The following NRXN3 variants were observed in gnomAD, a reference collection of about 807,000 sequenced individuals.
NRXN3 encodes neurexin III.
A neutral mutation model predicts 137.6 loss-of-function variants in NRXN3; 32 were observed. That is an observed-to-expected ratio of 0.23 (90% CI 0.18 to 0.31). The LOEUF is 0.31. Among genes scored for constraint, NRXN3 ranks in the 10% least tolerant of loss-of-function variants. The pLI is 1.00. For synonymous variants in NRXN3, 798 were observed against 784.5 expected (o/e 1.02, Z -0.29); for missense variants, 1,574 against 2,062.5 (o/e 0.76, Z 4.59).
At chr14:79,790,615 CTT>C (rs34493154) in intron 19 of NRXN3, among the ~76,000 whole-genome samples, 378 of 73,108 alleles carry the variant, frequency 5.2e-3, no homozygotes, top group African/African-American at 0.019. Context: ...GGCCCAGGCT[CTT>C]TTTTTTTTTT....
At chr14:79,778,163 T>C (rs2099103165) in intron 19 of NRXN3, among the ~76,000 whole-genome samples, 1 of 152,190 alleles carries the variant, frequency 6.6e-6, no homozygotes, top group Admixed American at 6.5e-5. Flanking sequence ...ACGCCTGTAA[T>C]CCCAACACTT....
chr14:79,698,822 T>G (rs2098744349), intron 19 of NRXN3, among the ~76,000 whole-genome samples: 1 of 152,050 alleles, frequency 6.6e-6, no homozygotes, highest in African/African-American at 2.4e-5. Context: ...TTTGCTTCTT[T>G]GTTTTAAGAC....
At chr14:78,544,765 A>G (rs951568190) in intron 4 of NRXN3, among the ~76,000 whole-genome samples, 1 of 152,228 alleles carries the variant, frequency 6.6e-6, no homozygotes, top group African/African-American at 2.4e-5. Context: ...TGAGGACTGC[A>G]TAGAGTTGCA....
chr14:79,084,053 G>T (rs1427478185), intron 15 of NRXN3, among the ~76,000 whole-genome samples: 3 of 151,998 alleles, frequency 2.0e-5, no homozygotes, highest in African/African-American at 7.3e-5. Flanking sequence ...GAGACTACAG[G>T]CCTGTACCAC....
intron 4 of NRXN3, among the ~76,000 whole-genome samples, chr14:78,630,665 C>A (rs1289988541): frequency 6.8e-6 from 1 of 147,740 alleles, no homozygotes; most frequent in African/African-American, 2.5e-5. Context: ...AGTGCAGTGG[C>A]GCGATCTTGG....
intron 15 of NRXN3, among the ~76,000 whole-genome samples, chr14:79,030,277 A>T (rs11159392): frequency 0.52 from 78,843 of 151,728 alleles, 23,296 homozygotes; most frequent in East Asian, 0.78. Flanking sequence ...ATCTCTAAAC[A>T]TTGCCAAATG....
intron 16 of NRXN3, among the ~76,000 whole-genome samples, chr14:79,579,368 A>T (rs1040134721): frequency 2.5e-4 from 35 of 137,508 alleles, no homozygotes; most frequent in East Asian, 1.3e-3. Context: ...ATATATATAT[A>T]ATATATATAT....
rs750253256 is a variant in NRXN3, at chr14:78,714,749, A to G, written c.1661-7A>G. On this transcript the variant is annotated splice_polypyrimidine_tract_variant and splice_region_variant and intron_variant, in intron 7 of 20. Transcript: ENST00000335750. ...AGACTCACCTGAGATCTGTCTTCCC[A>G]CCCCAGGTACTATATCAGTGAACAG... is the stretch of plus-strand genomic sequence containing the variant. 1 of 1,608,334 alleles carries G rather than the reference A, an allele frequency of 6.2e-7. No individual in the cohort carries two copies. The highest frequency in any genetic ancestry group is 1.1e-5 in the South Asian group (1 of 90,956).
intron 4 of NRXN3, among the ~76,000 whole-genome samples, chr14:78,301,639 G>C (rs1414441337): frequency 6.6e-6 from 1 of 152,200 alleles, no homozygotes; most frequent in Non-Finnish European, 1.5e-5. Flanking sequence ...TCTGTGTGCT[G>C]TCTCTTCCTT....
chr14:79,413,284 G>T (rs1417369197), intron 15 of NRXN3, among the ~76,000 whole-genome samples: 1 of 152,114 alleles, frequency 6.6e-6, no homozygotes, highest in Non-Finnish European at 1.5e-5. Context: ...ATTGTTGTTG[G>T]ATGATAATGC....
At chr14:79,046,625 A>C (rs1444873357) in intron 15 of NRXN3, among the ~76,000 whole-genome samples, 1 of 152,198 alleles carries the variant, frequency 6.6e-6, no homozygotes, top group Non-Finnish European at 1.5e-5. Context: ...TGAGACTTTC[A>C]TCAGACAATC....
rs202029628 is a variant in NRXN3, at chr14:78,645,397, C to T, written c.1035C>T (p.Val345=). The change falls in exon 5 of 21, where the codon GTC becomes GTT. Residue 345 remains valine (V), a synonymous_variant. Coordinates refer to ENST00000335750, the MANE Select transcript of NRXN3 (RefSeq NM_001330195.2). ...TCAACGACAACGCCTGGCATGATGT[C>T]AAAGTGACACGCAACCTCCGGCAGG... ...GKFNDNAWHD[V]KVTRNLRQVT... The T allele has an allele frequency of 1.6e-4, 248 of 1,590,508 alleles. No individual in the cohort carries two copies. The highest frequency in any genetic ancestry group is 2.0e-4 in the Non-Finnish European group (239 of 1,173,682).
At chr14:79,643,960 C>T (rs1372533055) in intron 16 of NRXN3, among the ~76,000 whole-genome samples, 1 of 135,606 alleles carries the variant, frequency 7.4e-6, no homozygotes, top group Non-Finnish European at 1.7e-5. Context: ...AATGAATACC[C>T]ACACTGTATC....
intron 19 of NRXN3, among the ~76,000 whole-genome samples, chr14:79,750,086 C>T (rs1312950166): frequency 6.6e-6 from 1 of 151,962 alleles, no homozygotes; most frequent in Non-Finnish European, 1.5e-5. Context: ...AAGTCCTAGC[C>T]CTTATAATTG....
intron 15 of NRXN3, among the ~76,000 whole-genome samples, chr14:79,223,775 T>C (rs2070284098): frequency 6.6e-6 from 1 of 152,144 alleles, no homozygotes. Context: ...ATGATGATAA[T>C]AAATCAGAGC....
chr14:79,223,685 C>A (rs2070264222), intron 15 of NRXN3, among the ~76,000 whole-genome samples: 1 of 152,124 alleles, frequency 6.6e-6, no homozygotes, highest in South Asian at 2.1e-4. Context: ...TGGCTCCCTG[C>A]TCCCTTCAAT....
intron 15 of NRXN3, among the ~76,000 whole-genome samples, chr14:79,236,418 A>G (rs1472256916): frequency 2.0e-5 from 3 of 152,090 alleles, no homozygotes; most frequent in Non-Finnish European, 4.4e-5. Flanking sequence ...TAAGCGTTAG[A>G]CACTATTATT....
chr14:78,571,573 A>G (rs1035335391), intron 4 of NRXN3, among the ~76,000 whole-genome samples: 1 of 152,178 alleles, frequency 6.6e-6, no homozygotes, highest in African/African-American at 2.4e-5. Context: ...GTTCAACTTA[A>G]CAAATATTGA....
intron 8 of NRXN3, among the ~76,000 whole-genome samples, chr14:78,718,154 A>G (rs1301761870): frequency 6.6e-6 from 1 of 152,164 alleles, no homozygotes; most frequent in Non-Finnish European, 1.5e-5. Context: ...AATTTTTATT[A>G]TGTAGAAGCA....
Sources: allele counts gnomAD v4.1 joint callset (sites outside exome capture counted in the v4.1 genomes callset), GRCh38; gene constraint gnomAD v4.1.1; transcripts MANE v1.5; gene names NCBI Gene and HGNC (gene_info 2026-07-23, HGNC 2026-07-21).